Variants in ZNF808 observed in about 807,000 individuals in gnomAD.
ZNF808 encodes zinc finger protein 808.
ZNF808 carries 5 observed loss-of-function variants against 8.7 expected under a neutral mutation model. The observed-to-expected ratio is 0.58, with a 90% confidence interval of 0.30 to 1.21. The LOEUF (loss-of-function observed/expected upper bound fraction) is 1.21, where lower values mean the gene tolerates loss of function less well. Ranked by LOEUF, ZNF808 falls within the 50% of genes most tolerant of loss-of-function variation. ZNF808 has a pLI of 0.07. For synonymous variants in ZNF808, 380 were observed against 366.0 expected (o/e 1.04, Z -0.44); for missense variants, 1,103 against 1,098.4 (o/e 1.00, Z -0.06).
downstream of ZNF808, among the ~76,000 whole-genome samples, chr19:52,558,256 A>C (rs964916407): frequency 5.4e-5 from 8 of 149,482 alleles, no homozygotes; most frequent in African/African-American, 1.5e-4. Context: ...TTGTATTTTT[A>C]GTAGAGGCGG....
Position 52,555,466 on chromosome 19 carries a change from A to G in ZNF808, c.2550A>G (p.Glu850=), listed in dbSNP as rs769062726. The change falls in exon 5 of 5, where the codon GAA becomes GAG. Residue 850 remains glutamate (E), a synonymous_variant. Transcript: ENST00000359798. ...CTGGAGAGAAACCTTACAAATGTGA[A>G]GCATGTGACAAAGTTTTCAGTCGCA... is the stretch of plus-strand genomic sequence containing the variant. ...IHTGEKPYKC[E]ACDKVFSRKS... 2.3e-5 allele frequency: 37 copies of G among 1,613,700 alleles called. 1 individual carries two copies. In the South Asian group the frequency reaches 3.8e-4, roughly 17 times the overall value.
chr19:52,543,141 T>C (rs2059688388), intron 2 of ZNF808, 125 bp from the exon 3 acceptor site: 2 of 920,738 alleles, frequency 2.2e-6, no homozygotes, highest in East Asian at 5.1e-5. Context: ...CTCTGCATGA[T>C]CTCTGGTGCA....
At chr19:52,560,812 C>T (rs912026358), downstream of ZNF808, among the ~76,000 whole-genome samples, 8 of 152,158 alleles carry the variant, frequency 5.3e-5, no homozygotes, top group Admixed American at 1.3e-4. Flanking sequence ...CTCCTACGTG[C>T]CCATTCCTGC....
chr19:52,541,517 C>T (rs1217512328), intron 2 of ZNF808, among the ~76,000 whole-genome samples: 2 of 152,020 alleles, frequency 1.3e-5, no homozygotes, highest in Non-Finnish European at 2.9e-5. Context: ...CTGTGAGCCT[C>T]AGTGAGCCCA....
rs2059796876 is a variant in ZNF808 at position 52,553,338 on chromosome 19, A to G, written c.422A>G (p.Gln141Arg). Residue 141 changes from glutamine to arginine, a missense_variant, in exon 5 of 5, where the codon CAA becomes CGA. Physicochemically the swap from Gln to Arg is conservative, Grantham distance 43. Transcript: ENST00000359798. ...AAAAAGTTGACTGGTAGCACAGACC[A>G]ACATGATCACAGGCATGCTGGAAAC... ...KIKKLTGSTDQHDHRHAGNKP... is the reference protein window; with the variant it reads ...KIKKLTGSTDRHDHRHAGNKP... 5 of 1,614,036 alleles carry G rather than the reference A, an allele frequency of 3.1e-6. No individual in the cohort carries two copies. The highest frequency in any genetic ancestry group is 8.5e-7 in the Non-Finnish European group (1 of 1,179,970).
chr19:52,564,168 TG>T, exon 4 of ZNF808: 1 of 739,008 alleles, frequency 1.4e-6, no homozygotes, highest in East Asian at 2.6e-5. Context: ...GAATGAAAAC[TG>T]GCAATAAAAT....
In ZNF808 at chr19:52,554,291, G is replaced by T; in HGVS notation, c.1375G>T (p.Val459Phe). ...TGGAGAGAAACCATACAAATGTAAGGTTTGTGATACAGCTTTCACGTGTAA... is the reference window on the plus strand; with the variant it reads ...TGGAGAGAAACCATACAAATGTAAGTTTTGTGATACAGCTTTCACGTGTAA... ...HTGEKPYKCKVCDTAFTCNSQ... is the reference protein window; with the variant it reads ...HTGEKPYKCKFCDTAFTCNSQ... Residue 459 changes from valine (V) to phenylalanine (F), a missense_variant, in exon 5 of 5, where the codon GTT becomes TTT. Val to Phe is a conservative substitution (Grantham distance 50). Transcript: ENST00000359798. 6.2e-7 allele frequency: 1 copy of T among 1,614,122 alleles called. No homozygotes were observed. The highest frequency in any genetic ancestry group is 1.6e-4 in the Middle Eastern group (1 of 6,062).
intron 1 of ZNF808, among the ~76,000 whole-genome samples, chr19:52,531,599 A>G (rs527386793): frequency 6.6e-6 from 1 of 152,328 alleles, no homozygotes; most frequent in South Asian, 2.1e-4. Flanking sequence ...CTATTGGACA[A>G]TAAGAACTCT....
chr19:52,546,461 A>G (rs901550737), intron 3 of ZNF808, among the ~76,000 whole-genome samples: 2 of 152,094 alleles, frequency 1.3e-5, no homozygotes, highest in Non-Finnish European at 2.9e-5. Context: ...CTGGGATTAC[A>G]GGCATGAGCC....
chr19:52,536,133 G>C (rs2059608493), intron 2 of ZNF808: 1 of 152,872 alleles, frequency 6.5e-6, no homozygotes, highest in Non-Finnish European at 1.5e-5. Context: ...CCACGGACCT[G>C]GAAATTCTCG....
At position 52,547,547 on chromosome 19, in the gene ZNF808, C is replaced by G. The variant is rs534199525; in HGVS notation, c.99C>G (p.Phe33Leu). The G allele has an allele frequency of 5.6e-6, 9 of 1,613,934 alleles. No homozygotes were observed. The highest frequency in any genetic ancestry group is 6.8e-6 in the Non-Finnish European group (8 of 1,179,976). The change falls in exon 4 of 5, where the codon TTC becomes TTG. Residue 33 changes from phenylalanine (F) to leucine (L), a missense_variant. By Grantham distance (22) the Phe-to-Leu change is conservative. Transcript: ENST00000359798. ...RLTFRDVAIEFSLAEWKFLNP... is the reference protein window; with the variant it reads ...RLTFRDVAIELSLAEWKFLNP... ...CTTTCAGGGATGTGGCTATAGAATT[C>G]TCATTGGCAGAGTGGAAATTCCTGA... is the stretch of plus-strand genomic sequence containing the variant.
At chr19:52,567,416 CT>C (rs145794627), downstream of ZNF808, among the ~76,000 whole-genome samples, 12,626 of 140,604 alleles carry the variant, frequency 0.09, 815 homozygotes, top group African/African-American at 0.18. Context: ...TGGTAGTTTT[CT>C]TTTTTTTTTC....
intron 1 of ZNF808, among the ~76,000 whole-genome samples, chr19:52,531,035 T>A (rs987135199): frequency 2.6e-5 from 4 of 151,848 alleles, no homozygotes; most frequent in African/African-American, 9.7e-5. Flanking sequence ...TGTAGTCCCA[T>A]CTACTCAGGA....
chr19:52,555,460 A>T lies in ZNF808; in HGVS notation c.2544A>T (p.Lys848Asn). The change falls in exon 5 of 5, where the codon AAA (lysine) becomes AAT (asparagine). Residue 848 changes from lysine to asparagine, a missense_variant. Lys to Asn is a moderately conservative substitution (Grantham distance 94). Transcript: ENST00000359798. ...TTCATACTGGAGAGAAACCTTACAA[A>T]TGTGAAGCATGTGACAAAGTTTTCA... ...HRIHTGEKPYKCEACDKVFSR... is the reference protein window; with the variant it reads ...HRIHTGEKPYNCEACDKVFSR... 6.2e-7 allele frequency: 1 copy of T among 1,614,008 alleles called. No individual in the cohort carries two copies. Among genetic ancestry groups the T allele is most frequent in the Non-Finnish European group, 8.5e-7 (1 of 1,179,956 alleles).
intron 1 of ZNF808, among the ~76,000 whole-genome samples, chr19:52,530,317 C>T (rs192746653): frequency 2.0e-4 from 31 of 152,202 alleles, no homozygotes; most frequent in Non-Finnish European, 4.1e-4. Context: ...GCCTCGGCCT[C>T]CCAAAGTGCT....
In ZNF808 at chr19:52,530,304, G is replaced by A. The variant is rs1197337897; in HGVS notation, c.-122+2593G>A. Reference sequence around the variant, plus strand: ...TTTAACTCCCTACCTCAAGTGACCCGCTGCCTCGGCCTCCCAAAGTGCTGG... The same window carrying A: ...TTTAACTCCCTACCTCAAGTGACCCACTGCCTCGGCCTCCCAAAGTGCTGG... On this transcript the variant is annotated intron_variant, in intron 1 of 4. Coordinates refer to ENST00000359798, the MANE Select transcript of ZNF808 (RefSeq NM_001039886.4). Among the ~76,000 whole-genome samples the A allele has an allele frequency of 2.6e-5, 4 of 151,494 alleles. No homozygotes were observed. The South Asian group carries it at 6.3e-4, about 24-fold the overall frequency.
At chr19:52,547,002 C>T (rs1739702705) in intron 3 of ZNF808, among the ~76,000 whole-genome samples, 1 of 128,590 alleles carries the variant, frequency 7.8e-6, no homozygotes, top group Non-Finnish European at 1.6e-5. Flanking sequence ...GGATGGAGGG[C>T]AGTGGTGCGA....
intron 2 of ZNF808, among the ~76,000 whole-genome samples, chr19:52,539,183 C>CTTTT (rs2059643725): frequency 2.0e-5 from 2 of 102,340 alleles, no homozygotes; most frequent in African/African-American, 9.6e-5. Context: ...CTCTTCATTT[C>CTTTT]ATTTTTTTTT....
rs1469889597 is a variant in ZNF808 at position 52,556,142 on chromosome 19, T to C, written c.*514T>C. 5.3e-6 allele frequency: 2 copies of C among 377,220 alleles called. No homozygotes were observed. The highest frequency in any genetic ancestry group is 1.1e-5 in the Non-Finnish European group (2 of 187,170). 23.4% of individuals were successfully genotyped at this position (377,220 alleles called of 1,614,324 possible). A position where few individuals can be genotyped will look rare whatever the true frequency, so the allele number is the denominator to read the frequency against. ...GTTGACTTAACATTGAGTTCAAGCC[T>C]TAATTGACATTCAAGTGTTTATGTT... On this transcript the variant is annotated 3_prime_UTR_variant, in exon 5 of 5. Coordinates refer to ENST00000359798, the MANE Select transcript of ZNF808 (RefSeq NM_001039886.4).
Sources: allele counts gnomAD v4.1 joint callset (sites outside exome capture counted in the v4.1 genomes callset), GRCh38; gene constraint gnomAD v4.1.1; transcripts MANE v1.5; gene names NCBI Gene and HGNC (gene_info 2026-07-23, HGNC 2026-07-21).